SLC47A1: variants seen among roughly 807,000 people sequenced by gnomAD.
SLC47A1 encodes multidrug and toxin extrusion protein 1.
Under a neutral mutation model 65.8 loss-of-function variants are expected in SLC47A1, and 58 were observed. That is an observed-to-expected ratio of 0.88 (90% CI 0.71 to 1.10). The LOEUF (loss-of-function observed/expected upper bound fraction) is 1.10, where lower values mean the gene tolerates loss of function less well. Among genes scored for constraint, SLC47A1 ranks in the 50% least tolerant of loss-of-function variants. The pLI is 0.00. For missense variants in SLC47A1, 706 were observed against 719.2 expected (o/e 0.98, Z 0.21); for synonymous variants, 285 against 295.0 (o/e 0.97, Z 0.35).
chr17:19,558,043 AG>A (rs1916670444), intron 10 of SLC47A1: 1 of 203,750 alleles, frequency 4.9e-6, no homozygotes, highest in Non-Finnish European at 1.0e-5. Context: ...CCCTTTCCTC[AG>A]GTTCACCAGT....
chr17:19,569,673 A>G (rs2084385108), intron 14 of SLC47A1, among the ~76,000 whole-genome samples: 1 of 152,236 alleles, frequency 6.6e-6, no homozygotes, highest in Admixed American at 6.5e-5. Context: ...AAATATGTAA[A>G]TTCCTGGGCC....
At position 19,577,864 on chromosome 17, in the gene SLC47A1, A is replaced by G; in HGVS notation, c.*311A>G. On this transcript the variant is annotated 3_prime_UTR_variant, in exon 17 of 17. Coordinates refer to ENST00000270570, the MANE Select transcript of SLC47A1 (RefSeq NM_018242.3). ...ACTTCTGCTATTTTTTTAGACACAA[A>G]CCCATAAACTAACTGCTTAAGAATT... 2 of 1,254,138 alleles carry G rather than the reference A, an allele frequency of 1.6e-6. No homozygotes were observed. Among genetic ancestry groups the G allele is most frequent in the Non-Finnish European group, 2.0e-6 (2 of 986,352 alleles). The allele number at this position is 1,254,138 out of a possible 1,614,324, so 77.7% of individuals were successfully genotyped here. A position where few individuals can be genotyped will look rare whatever the true frequency, so the allele number is the denominator to read the frequency against.
intron 14 of SLC47A1, chr17:19,567,952 CTT>C (rs1003823745): frequency 6.6e-6 from 1 of 152,212 alleles, no homozygotes; most frequent in African/African-American, 2.4e-5. Flanking sequence ...GAAGAAAAAA[CTT>C]AATCCACAGC....
Position 19,533,871 on chromosome 17 carries a change from T to TGCCC in SLC47A1, c.-69_-68insGCCC. 9 of 1,366,218 alleles carry TGCCC rather than the reference T, an allele frequency of 6.6e-6. No individual in the cohort carries two copies. Among genetic ancestry groups the TGCCC allele is most frequent in the South Asian group, 1.6e-5 (1 of 64,132 alleles). 84.6% of individuals were successfully genotyped at this position (1,366,218 alleles called of 1,614,324 possible). On this transcript the variant is annotated 5_prime_UTR_variant, in exon 1 of 17. Coordinates refer to ENST00000270570, the MANE Select transcript of SLC47A1 (RefSeq NM_018242.3). ...CGGTACCCACTGCCGGCCTGCGCGGTACTCACTGCCGGCCTCCGCGGTACC... is the reference window on the plus strand; with the variant it reads ...CGGTACCCACTGCCGGCCTGCGCGGTGCCCACTCACTGCCGGCCTCCGCGGTACC...
At chr17:19,555,354 A>G in intron 7 of SLC47A1, 45 bp downstream of exon 7, 1 of 1,602,266 alleles carries the variant, frequency 6.2e-7, no homozygotes, top group Non-Finnish European at 8.6e-7. Context: ...GATGACTTGC[A>G]TGTGGTTTTT....
At chr17:19,557,682 A>T in intron 10 of SLC47A1, 1 of 502,816 alleles carries the variant, frequency 2.0e-6, no homozygotes, top group Non-Finnish European at 4.0e-6. Context: ...GGGTAACAAT[A>T]CTTACTCTCG....
chr17:19,560,026 G>A (rs952410801), intron 10 of SLC47A1, 162 bp from the exon 11 acceptor site: 45 of 596,410 alleles, frequency 7.5e-5, no homozygotes, highest in Admixed American at 1.5e-4. Flanking sequence ...CCACAGTAGC[G>A]TGGGAGTTCC....
intron 15 of SLC47A1, among the ~76,000 whole-genome samples, chr17:19,572,252 C>A (rs563944561): frequency 4.6e-5 from 7 of 152,118 alleles, no homozygotes; most frequent in African/African-American, 1.7e-4. Flanking sequence ...CTGTACTGTT[C>A]CCATCCCACC....
Position 19,561,369 on chromosome 17 carries a change from C to T in SLC47A1, c.1106+876C>T, listed in dbSNP as rs147022800. 4.2e-3 allele frequency among the ~76,000 whole-genome samples: 632 copies of T among 152,038 alleles called. 6 individuals are homozygous for T. The highest frequency in any genetic ancestry group is 0.014 in the African/African-American group (591 of 41,458). On this transcript the variant is annotated intron_variant, in intron 12 of 16. Coordinates refer to ENST00000270570, the MANE Select transcript of SLC47A1 (RefSeq NM_018242.3). ...TTGCAAGATCAGAGGCTCGGCCGGG[C>T]GCGGTGGCTCACACCTGTAATCCCA...
chr17:19,567,729 C>T lies in SLC47A1; in HGVS notation c.1309+501C>T, dbSNP rs149440123. The T allele has an allele frequency of 3.6e-3, 572 of 157,994 alleles. 7 individuals carry two copies. The highest frequency in any genetic ancestry group is 0.013 in the African/African-American group (547 of 41,662). 9.8% of individuals were successfully genotyped at this position (157,994 alleles called of 1,614,324 possible). ...GCACTCTGCATCCTAGAGCAGTGCC[C>T]CATGTGCTCACCAAGCAGCATGGCT... On this transcript the variant is annotated intron_variant, in intron 14 of 16. Transcript: ENST00000270570.
intron 1 of SLC47A1, chr17:19,534,312 G>A: frequency 2.2e-6 from 1 of 463,892 alleles, no homozygotes; most frequent in Non-Finnish European, 3.7e-6. Context: ...GGAACGGCTG[G>A]TACGCGCCCG....
At chr17:19,545,601 C>T (rs1350041560) in intron 2 of SLC47A1, among the ~76,000 whole-genome samples, 7 of 152,108 alleles carry the variant, frequency 4.6e-5, no homozygotes, top group Non-Finnish European at 8.8e-5. Flanking sequence ...AGTGATCGTC[C>T]CACCTCAGCC....
At chr17:19,547,562 C>A (rs1490843213) in intron 3 of SLC47A1, among the ~76,000 whole-genome samples, 1 of 151,736 alleles carries the variant, frequency 6.6e-6, no homozygotes. Flanking sequence ...ATCTCTGAAT[C>A]CTGCCCTGTG....
At chr17:19,553,539 T>G (rs1266573717) in intron 6 of SLC47A1, among the ~76,000 whole-genome samples, 1 of 123,434 alleles carries the variant, frequency 8.1e-6, no homozygotes. Flanking sequence ...ATTCATTTCT[T>G]TCTTCCTTTT....
chr17:19,575,232 G>T (rs540699674), intron 16 of SLC47A1, among the ~76,000 whole-genome samples: 1 of 151,820 alleles, frequency 6.6e-6, no homozygotes, highest in Non-Finnish European at 1.5e-5. Flanking sequence ...CACTGCACCC[G>T]GCCCAAAATG....
chr17:19,551,597 A>G, intron 6 of SLC47A1, 129 bp downstream of exon 6: 1 of 785,088 alleles, frequency 1.3e-6, no homozygotes, highest in Non-Finnish European at 2.2e-6. Context: ...GGAGCCACTG[A>G]AAGATATTTT....
intron 16 of SLC47A1, among the ~76,000 whole-genome samples, chr17:19,575,237 A>C (rs1418972073): frequency 6.6e-6 from 1 of 152,034 alleles, no homozygotes; most frequent in Non-Finnish European, 1.5e-5. Flanking sequence ...CACCCGGCCC[A>C]AAATGATTTT....
At chr17:19,534,996 G>T (rs892061741) in intron 1 of SLC47A1, 5 of 152,368 alleles carry the variant, frequency 3.3e-5, no homozygotes, top group Admixed American at 6.5e-5. Flanking sequence ...GGCTGAGGGG[G>T]GCCGCTGTGC....
At chr17:19,555,447 C>T in intron 7 of SLC47A1, 138 bp downstream of exon 7, 1 of 1,284,164 alleles carries the variant, frequency 7.8e-7, no homozygotes, top group East Asian at 2.3e-5. Context: ...AAAGCACTGT[C>T]AGGGATGGAG....
Sources: gnomAD v4.1 joint callset for allele counts (sites outside exome capture counted in the v4.1 genomes callset) on GRCh38, gnomAD v4.1.1 for gene constraint, MANE v1.5 for transcripts, NCBI Gene and HGNC (gene_info 2026-07-23, HGNC 2026-07-21) for gene names.